Variants in SBNO2 observed in about 807,000 individuals in gnomAD.
The protein encoded by SBNO2 is protein strawberry notch homolog 2.
In SBNO2, 89 loss-of-function variants were observed where a neutral mutation model predicts 146.3. The observed-to-expected ratio is 0.61, with a 90% CI of 0.51 to 0.73. SBNO2 has a LOEUF of 0.73. Among genes scored for constraint, SBNO2 ranks in the 30% least tolerant of loss-of-function variants. The probability of loss-of-function intolerance (pLI) is 0.00; values close to 1 mark genes in which losing one functional copy is unlikely to be tolerated. For synonymous variants in SBNO2, 1,147 were observed against 892.6 expected (o/e 1.29, Z -5.08); for missense variants, 2,092 against 2,003.7 (o/e 1.04, Z -0.84).
intron 14 of SBNO2, among the ~76,000 whole-genome samples, chr19:1,118,112 G>A (rs2079854886): frequency 6.6e-6 from 1 of 152,286 alleles, no homozygotes; most frequent in East Asian, 1.9e-4. Flanking sequence ...GAGGCGGTCA[G>A]ATCGCCTGAG....
rs958152192 is a variant in SBNO2 at position 1,153,380 on chromosome 19, G to A, written c.93+804C>T. Reference sequence around the variant, plus strand: ...AGCCTCCCAAGTAGCTGGGATTACAGACACCTGCCACCACGCCAGGCTAAT... The same window carrying A: ...AGCCTCCCAAGTAGCTGGGATTACAAACACCTGCCACCACGCCAGGCTAAT... On this transcript the variant is annotated intron_variant, in intron 2 of 31. Transcript: ENST00000361757. 2.6e-5 allele frequency among the ~76,000 whole-genome samples: 4 copies of A among 151,052 alleles called. No individual in the cohort carries two copies. In the South Asian group the frequency reaches 8.4e-4, roughly 32 times the overall value.
At chr19:1,127,177 C>T (rs544829921) in intron 5 of SBNO2, among the ~76,000 whole-genome samples, 121 of 152,338 alleles carry the variant, frequency 7.9e-4, no homozygotes, top group African/African-American at 2.6e-3. Context: ...TGCCTGGGCC[C>T]GCTGGGCGCT....
At chr19:1,163,296 G>A (rs1233142644) in intron 1 of SBNO2, among the ~76,000 whole-genome samples, 1 of 151,704 alleles carries the variant, frequency 6.6e-6, no homozygotes, top group South Asian at 2.1e-4. Flanking sequence ...CGGCCGCATG[G>A]AGACGGAGCA....
intron 4 of SBNO2, 92 bp from the exon 5 acceptor site, chr19:1,127,857 GC>G: frequency 8.4e-7 from 1 of 1,188,988 alleles, no homozygotes. Context: ...AGACACCACG[GC>G]CCTCCACACA....
chr19:1,147,179 C>T lies in SBNO2; in HGVS notation c.279+130G>A, dbSNP rs539837511. The T allele has an allele frequency of 7.4e-5, 46 of 624,252 alleles. 1 individual carries two copies. The highest frequency in any genetic ancestry group is 4.0e-4 in the East Asian group (12 of 29,966). The allele number at this position is 624,252 out of a possible 1,614,324, so 38.7% of individuals were successfully genotyped here. A position where few individuals can be genotyped will look rare whatever the true frequency, so the allele number is the denominator to read the frequency against. On this transcript the variant is annotated intron_variant, in intron 4 of 31. Transcript: ENST00000361757. ...TCCTACTGCCCCACCGTAAACCCTG[C>T]GGCCGAGGGGCCAAGCCGAGGTCAC...
In SBNO2 at chr19:1,117,383, GCA is replaced by G; in HGVS notation, c.1642_1643del (p.Cys548HisfsTer53). 1.3e-6 allele frequency: 2 copies of G among 1,588,276 alleles called. No homozygotes were observed. The highest frequency in any genetic ancestry group is 8.6e-7 in the Non-Finnish European group (1 of 1,168,718). ...CCAGCCGGCGCACCTTGGCTGCGAT[GCA>G]CAGATACTTGAAGAAGCGCTGGTGT... ...SAHQRFFKYL[C>X]IAAKVRRLVE... On this transcript the variant is annotated frameshift_variant, in exon 15 of 32. Transcript: ENST00000361757. LOFTEE classifies it high-confidence loss of function.
chr19:1,156,513 C>T (rs777810425), intron 1 of SBNO2, among the ~76,000 whole-genome samples: 1 of 152,046 alleles, frequency 6.6e-6, no homozygotes, highest in African/African-American at 2.4e-5. Context: ...GTCACCACAC[C>T]ACCGAGCAAT....
intron 1 of SBNO2, among the ~76,000 whole-genome samples, chr19:1,155,667 C>T (rs959960490): frequency 4.6e-5 from 7 of 152,334 alleles, no homozygotes; most frequent in South Asian, 4.1e-4. Flanking sequence ...ACCCAAGCTC[C>T]TCCAAGCCTC....
chr19:1,131,680 C>A (rs921154109), intron 4 of SBNO2, among the ~76,000 whole-genome samples: 3 of 152,212 alleles, frequency 2.0e-5, no homozygotes, highest in African/African-American at 7.2e-5. Flanking sequence ...CCCAGAGCCC[C>A]TCCACCTGAG....
chr19:1,115,865 C>A, intron 17 of SBNO2, 156 bp downstream of exon 17: 1 of 693,916 alleles, frequency 1.4e-6, no homozygotes, highest in Non-Finnish European at 2.6e-6. Context: ...CAAGACCTGC[C>A]ACTGGCAGCG....
chr19:1,165,364 G>T (rs750067520), intron 1 of SBNO2, among the ~76,000 whole-genome samples: 2 of 152,176 alleles, frequency 1.3e-5, no homozygotes, highest in African/African-American at 4.8e-5. Flanking sequence ...GGGCCAGGGG[G>T]ACGTCGTGGC....
At chr19:1,145,009 G>A (rs1025645087) in intron 4 of SBNO2, among the ~76,000 whole-genome samples, 3 of 143,550 alleles carry the variant, frequency 2.1e-5, no homozygotes, top group South Asian at 2.3e-4. Context: ...GAGCATAGAG[G>A]GAGACAGAGA....
At chr19:1,124,602 G>A (rs1446562416) in intron 5 of SBNO2, among the ~76,000 whole-genome samples, 4 of 152,222 alleles carry the variant, frequency 2.6e-5, no homozygotes, top group East Asian at 1.9e-4. Context: ...CCCCGTGGGT[G>A]CAGTCCCTGA....
intron 4 of SBNO2, among the ~76,000 whole-genome samples, chr19:1,134,358 G>T (rs1012514738): frequency 6.6e-6 from 1 of 152,118 alleles, no homozygotes; most frequent in South Asian, 2.1e-4. Context: ...CAGCTCCCAG[G>T]TGGACCCACA....
Position 1,154,254 on chromosome 19 carries a change from A to G in SBNO2, c.23T>C (p.Met8Thr). 7.9e-7 allele frequency: 1 copy of G among 1,269,642 alleles called. No individual in the cohort carries two copies. Among genetic ancestry groups the G allele is most frequent in the Non-Finnish European group, 9.9e-7 (1 of 1,006,528 alleles). The allele number at this position is 1,269,642 out of a possible 1,614,324, so 78.6% of individuals were successfully genotyped here. Residue 8 changes from methionine to threonine, a missense_variant, in exon 2 of 32, where the codon ATG becomes ACG. By Grantham distance (81) the Met-to-Thr change is moderately conservative. Transcript: ENST00000361757. ...TTCATGCTGCGGGTAATCCCTGTCC[A>G]TGGCGGGCCCCACTGCAAGCATCGG... MLAVGPA[M>T]DRDYPQHEPP...
intron 17 of SBNO2, 57 bp downstream of exon 17, chr19:1,115,964 C>A (rs757608819): frequency 2.6e-6 from 3 of 1,146,602 alleles, no homozygotes; most frequent in African/African-American, 3.5e-5. Flanking sequence ...CAGCCAGCCC[C>A]CGGGGGGAGA....
At position 1,152,650 on chromosome 19, in the gene SBNO2, T is replaced by C. The variant is rs973432429; in HGVS notation, c.93+1534A>G. Among the ~76,000 whole-genome samples the C allele has an allele frequency of 2.0e-5, 3 of 152,110 alleles. 1 individual carries two copies. Among genetic ancestry groups the C allele is most frequent in the Admixed American group, 6.5e-5 (1 of 15,272 alleles). ...GGACCCTGCTACGAGAGGGGTACCC[T>C]GGCCCCAGCTCAGAGCCCCCTCTGG... On this transcript the variant is annotated intron_variant, in intron 2 of 31. Coordinates refer to ENST00000361757, the MANE Select transcript of SBNO2 (RefSeq NM_014963.3).
chr19:1,144,505 G>A lies in SBNO2; in HGVS notation c.279+2804C>T, dbSNP rs1468508822. On this transcript the variant is annotated intron_variant, in intron 4 of 31. Coordinates refer to ENST00000361757, the MANE Select transcript of SBNO2 (RefSeq NM_014963.3). This position sits in a 1 kb window ranked among gnomAD's most constrained non-coding sequence, Gnocchi z 4.1. ...CAATTGTTCAGGAGGGGAGGAGCAG[G>A]AGAATTCATGAGACAGAGATGGAGA... Among the ~76,000 whole-genome samples, 3 of 152,186 alleles carry A rather than the reference G, an allele frequency of 2.0e-5. No individual in the cohort carries two copies. Among genetic ancestry groups the A allele is most frequent in the Non-Finnish European group, 4.4e-5 (3 of 68,046 alleles).
chr19:1,109,081 C>T lies in SBNO2; in HGVS notation c.3425+54G>A, dbSNP rs2079716918. The stretch of plus-strand genomic sequence containing the variant: ...CAGGGTCTCGGGAGCCCCCGATCCC[C>T]GCCTGGGTCGCCGCCATCTGCCGGT... On this transcript the variant is annotated intron_variant, in intron 30 of 31. Transcript: ENST00000361757. The surrounding 1 kb of genome is among the most constrained non-coding windows in gnomAD (Gnocchi z 4.2). 6.5e-6 allele frequency: 10 copies of T among 1,538,558 alleles called. No individual in the cohort carries two copies. The highest frequency in any genetic ancestry group is 2.1e-4 in the Middle Eastern group (1 of 4,830).
Sources: allele counts gnomAD v4.1 joint callset (sites outside exome capture counted in the v4.1 genomes callset), GRCh38; gene constraint gnomAD v4.1.1; non-coding constraint Gnocchi (gnomAD v3.1); transcripts MANE v1.5; gene names NCBI Gene and HGNC (gene_info 2026-07-23, HGNC 2026-07-21).